Variants in ZFHX3 observed in about 807,000 individuals in gnomAD.
ZFHX3 encodes zinc finger homeobox 3.
Under a neutral mutation model 279.1 loss-of-function variants are expected in ZFHX3, and 42 were observed. The observed-to-expected ratio is 0.15, with a 90% CI of 0.12 to 0.19. The LOEUF is 0.19. ZFHX3 is among the 10% of genes least tolerant of loss of function. The probability of loss-of-function intolerance (pLI) is 1.00; values close to 1 mark genes in which losing one functional copy is unlikely to be tolerated. For synonymous variants in ZFHX3, 2,293 were observed against 1,957.8 expected, an observed-to-expected ratio of 1.17 and a Z score of -4.52; for missense variants, 4,981 against 4,754.0, an observed-to-expected ratio of 1.05 and a Z score of -1.40.
intron 1 of ZFHX3, among the ~76,000 whole-genome samples, chr16:73,840,759 C>T (rs1351019999): frequency 6.6e-6 from 1 of 152,168 alleles, no homozygotes; most frequent in Non-Finnish European, 1.5e-5. Context: ...GCCTTGTATA[C>T]CACAAATTGA....
intron 1 of ZFHX3, among the ~76,000 whole-genome samples, chr16:73,685,241 C>T (rs2053069842): frequency 6.6e-6 from 1 of 151,874 alleles, no homozygotes; most frequent in Non-Finnish European, 1.5e-5. Flanking sequence ...TGGTCTTGAT[C>T]TCCTGACCTC....
At chr16:73,310,076 T>A (rs1234471017) in intron 4 of ZFHX3, among the ~76,000 whole-genome samples, 2 of 151,844 alleles carry the variant, frequency 1.3e-5, no homozygotes, top group African/African-American at 4.8e-5. Context: ...GCCTGGCTCA[T>A]TTTTGTATTT....
chr16:72,980,902 T>C (rs1310896065), intron 1 of ZFHX3, among the ~76,000 whole-genome samples: 9 of 152,190 alleles, frequency 5.9e-5, no homozygotes, highest in Admixed American at 3.9e-4. Context: ...GTCAAGGTGA[T>C]AGAACTATGG....
chr16:72,928,271 G>T (rs1959598131), intron 3 of ZFHX3, among the ~76,000 whole-genome samples: 1 of 110,424 alleles, frequency 9.1e-6, no homozygotes, highest in Non-Finnish European at 2.1e-5. Context: ...GAAAGAGCGG[G>T]TAGGAGGTAG....
intron 4 of ZFHX3, among the ~76,000 whole-genome samples, chr16:72,881,017 G>A (rs145824530): frequency 3.3e-5 from 5 of 152,306 alleles, no homozygotes; most frequent in Admixed American, 6.5e-5. Flanking sequence ...CCAGGCTGGC[G>A]GGAACCACAC....
At position 73,693,581 on chromosome 16, in the gene ZFHX3, G is replaced by C. The variant is rs569259072; in HGVS notation, c.-1607-13341C>G. 2.0e-5 allele frequency among the ~76,000 whole-genome samples: 3 copies of C among 152,108 alleles called. No individual in the cohort carries two copies. The South Asian group carries it at 6.2e-4, about 32-fold the overall frequency. ...TCATGAAGGATAAGAGGAAAGTTGG[G>C]TTCTTTCCGCTACATAAAGGCCACG... On this transcript the variant is annotated intron_variant, in intron 1 of 17. Coordinates refer to the ZFHX3 transcript ENST00000641206.
At chr16:73,711,649 A>T (rs906369803) in intron 1 of ZFHX3, among the ~76,000 whole-genome samples, 7 of 152,186 alleles carry the variant, frequency 4.6e-5, no homozygotes, top group Admixed American at 3.3e-4. Context: ...ATTTGGAAGC[A>T]AAACTGAAAG....
intron 1 of ZFHX3, among the ~76,000 whole-genome samples, chr16:73,045,816 T>A (rs1380104288): frequency 7.3e-6 from 1 of 136,876 alleles, no homozygotes; most frequent in Non-Finnish European, 1.5e-5. Flanking sequence ...GGGGGGGGGT[T>A]GTTGAGAGAG....
At chr16:73,838,908 C>G (rs1961218697) in intron 1 of ZFHX3, among the ~76,000 whole-genome samples, 1 of 151,970 alleles carries the variant, frequency 6.6e-6, no homozygotes, top group African/African-American at 2.4e-5. Flanking sequence ...AAGGGCAGAT[C>G]AGGTAAAAGT....
intron 2 of ZFHX3, among the ~76,000 whole-genome samples, chr16:73,560,236 A>G (rs1446480153): frequency 1.3e-5 from 1 of 79,418 alleles, no homozygotes; most frequent in Non-Finnish European, 2.4e-5. Flanking sequence ...AATGTGCAAG[A>G]GATGCTCATT....
At chr16:73,285,656 G>C (rs190089226) in intron 4 of ZFHX3, among the ~76,000 whole-genome samples, 1 of 152,140 alleles carries the variant, frequency 6.6e-6, no homozygotes, top group East Asian at 1.9e-4. Context: ...GGTCATGTCC[G>C]TCAGGGAAAT....
intron 1 of ZFHX3, among the ~76,000 whole-genome samples, chr16:73,012,239 C>A (rs541136636): frequency 6.6e-6 from 1 of 152,142 alleles, no homozygotes; most frequent in South Asian, 2.1e-4. Context: ...AGCTCCACAG[C>A]GCCTCTCCAT....
intron 4 of ZFHX3, among the ~76,000 whole-genome samples, chr16:73,294,468 T>G (rs377128710): frequency 2.3e-4 from 35 of 152,346 alleles, no homozygotes; most frequent in African/African-American, 8.4e-4. Flanking sequence ...TGTGCTTATT[T>G]TGGAGACAGT....
chr16:73,277,187 G>C (rs983243178), intron 4 of ZFHX3, among the ~76,000 whole-genome samples: 1 of 152,154 alleles, frequency 6.6e-6, no homozygotes, highest in Non-Finnish European at 1.5e-5. Flanking sequence ...AAACACGGTT[G>C]GCATGATCTC....
At chr16:72,989,688 T>C (rs2040507) in intron 1 of ZFHX3, among the ~76,000 whole-genome samples, 11,190 of 152,152 alleles carry the variant, frequency 0.074, 805 homozygotes, top group African/African-American at 0.19. Flanking sequence ...ATGGGCCAAA[T>C]GAGTTAGCAG....
intron 1 of ZFHX3, among the ~76,000 whole-genome samples, chr16:73,854,230 A>T (rs1213027260): frequency 1.3e-5 from 2 of 152,204 alleles, no homozygotes; most frequent in Non-Finnish European, 2.9e-5. Context: ...AGAGCATTAT[A>T]AATAGTACAC....
chr16:72,819,626 G>A (rs1466435728), intron 5 of ZFHX3, among the ~76,000 whole-genome samples: 5 of 152,174 alleles, frequency 3.3e-5, no homozygotes, highest in African/African-American at 1.2e-4. Context: ...GCTGCTTTGT[G>A]GTCTAACTAG....
chr16:72,797,920 T>A lies in ZFHX3; in HGVS notation c.4762A>T (p.Thr1588Ser). ...AAAGGTTTGTTGTCTGGGCTGCTGGTGGGTTCTGGCTGACCGGTTGCTGAT... is the reference window on the plus strand; with the variant it reads ...AAAGGTTTGTTGTCTGGGCTGCTGGAGGGTTCTGGCTGACCGGTTGCTGAT... Reference protein sequence around the residue: ...QESATGQPEPTSSPDNKPFKC... With the variant: ...QESATGQPEPSSSPDNKPFKC... Residue 1588 changes from threonine to serine, a missense_variant, in exon 9 of 10, where the codon ACC becomes TCC. Around this residue, in one of 7 missense-constraint regions of ZFHX3, gnomAD observed 1,751 missense variants for 1,770.0 expected, o/e 0.99. Coordinates refer to ENST00000268489, the MANE Select transcript of ZFHX3 (RefSeq NM_006885.4). 6.2e-7 allele frequency: 1 copy of A among 1,614,192 alleles called. No individual in the cohort carries two copies. The highest frequency in any genetic ancestry group is 8.5e-7 in the Non-Finnish European group (1 of 1,180,036).
chr16:73,578,049 A>G (rs903696004), intron 2 of ZFHX3, among the ~76,000 whole-genome samples: 1 of 152,248 alleles, frequency 6.6e-6, no homozygotes, highest in Non-Finnish European at 1.5e-5. Flanking sequence ...CACTACGACA[A>G]ACCAAATGGA....
Sources: gnomAD v4.1 joint callset for allele counts (sites outside exome capture counted in the v4.1 genomes callset) on GRCh38, gnomAD v4.1.1 for gene constraint, gnomAD v4.1.1 regional missense constraint, MANE v1.5 for transcripts, NCBI Gene and HGNC (gene_info 2026-07-23, HGNC 2026-07-21) for gene names.